Variants in CXCL13 observed in about 807,000 individuals in gnomAD.
The protein encoded by CXCL13 is C-X-C motif chemokine 13.
A neutral mutation model predicts 12.2 loss-of-function variants in CXCL13; 7 were observed. The ratio of observed to expected loss-of-function variants is 0.57; its 90% CI spans 0.33 to 1.07. The LOEUF (loss-of-function observed/expected upper bound fraction) is 1.07. Among genes scored for constraint, CXCL13 ranks in the 50% least tolerant of loss-of-function variants. CXCL13 has a pLI of 0.04. For missense variants in CXCL13, 113 were observed against 127.4 expected (o/e 0.89, Z 0.55); for synonymous variants, 47 against 42.4 (o/e 1.11, Z -0.42).
intron 1 of CXCL13, among the ~76,000 whole-genome samples, chr4:77,519,398 C>T (rs1051603115): frequency 1.3e-5 from 2 of 152,132 alleles, no homozygotes; most frequent in African/African-American, 2.4e-5. Context: ...TGTTCCTATT[C>T]GGCCATCTTG....
chr4:77,550,048 G>T (rs1007394147), intron 1 of CXCL13, among the ~76,000 whole-genome samples: 1 of 152,196 alleles, frequency 6.6e-6, no homozygotes, highest in African/African-American at 2.4e-5. Context: ...CTCAGCAATG[G>T]CGGACACCCC....
intron 1 of CXCL13, among the ~76,000 whole-genome samples, chr4:77,517,260 G>A (rs569191707): frequency 6.6e-6 from 1 of 152,082 alleles, no homozygotes; most frequent in Admixed American, 6.6e-5. Flanking sequence ...GTGTGGTGTG[G>A]TGCTGAAAAA....
At chr4:77,587,645 T>C in intron 1 of CXCL13, among the ~76,000 whole-genome samples, 1 of 152,212 alleles carries the variant, frequency 6.6e-6, no homozygotes, top group East Asian at 1.9e-4. Context: ...TAATTCTCCA[T>C]TGACTACCAT....
chr4:77,599,358 A>G (rs1726841575), intron 1 of CXCL13, among the ~76,000 whole-genome samples: 1 of 152,132 alleles, frequency 6.6e-6, no homozygotes, highest in Non-Finnish European at 1.5e-5. Flanking sequence ...ATTACTTATA[A>G]TACCTAATAC....
chr4:77,565,361 AC>A (rs1004110058), intron 1 of CXCL13, among the ~76,000 whole-genome samples: 5 of 152,170 alleles, frequency 3.3e-5, no homozygotes, highest in Non-Finnish European at 7.3e-5. Context: ...CTCAGATTCA[AC>A]CTGGGTCAGT....
At chr4:77,553,065 G>A (rs1042203952) in intron 1 of CXCL13, among the ~76,000 whole-genome samples, 3 of 152,102 alleles carry the variant, frequency 2.0e-5, no homozygotes, top group African/African-American at 7.2e-5. Context: ...AGTGGAAAGG[G>A]GCCCTACTGC....
At chr4:77,555,161 A>G (rs1725632052) in intron 1 of CXCL13, among the ~76,000 whole-genome samples, 1 of 151,984 alleles carries the variant, frequency 6.6e-6, no homozygotes, top group Non-Finnish European at 1.5e-5. Flanking sequence ...TCTTTGAAAA[A>G]TTGTTGTTTC....
intron 1 of CXCL13, among the ~76,000 whole-genome samples, chr4:77,537,145 G>A (rs1026047680): frequency 6.6e-6 from 1 of 152,194 alleles, no homozygotes; most frequent in Non-Finnish European, 1.5e-5. Context: ...ATAAAAACAT[G>A]AGCAAGGCAT....
intron 2 of CXCL13, among the ~76,000 whole-genome samples, chr4:77,610,336 C>T (rs1336645839): frequency 2.6e-5 from 4 of 152,186 alleles, no homozygotes; most frequent in Non-Finnish European, 5.9e-5. Context: ...TTCTCCAATG[C>T]ACGTAAATGT....
rs201305233 is a variant in CXCL13, at chr4:77,515,046, C to T, written c.-43+3258C>T. 5.9e-5 allele frequency among the ~76,000 whole-genome samples: 9 copies of T among 152,128 alleles called. No individual in the cohort carries two copies. In the East Asian group the frequency reaches 9.6e-4, roughly 16 times the overall value. On this transcript the variant is annotated intron_variant, in intron 1 of 4. Transcript: ENST00000286758. Reference sequence around the variant, plus strand: ...ATATGGCTAGCCAGTTTTCCCAGCACCATTTATTAAATAGGGAATCCTTTC... The same window carrying T: ...ATATGGCTAGCCAGTTTTCCCAGCATCATTTATTAAATAGGGAATCCTTTC...
intron 1 of CXCL13, among the ~76,000 whole-genome samples, chr4:77,534,838 G>T (rs1376269977): frequency 6.6e-6 from 1 of 152,188 alleles, no homozygotes; most frequent in Non-Finnish European, 1.5e-5. Context: ...ACAATTCCAT[G>T]ACCTTACTGA....
chr4:77,530,516 G>T (rs1299661645), intron 1 of CXCL13, among the ~76,000 whole-genome samples: 30 of 152,126 alleles, frequency 2.0e-4, no homozygotes. Flanking sequence ...GGGTGTATGT[G>T]TTCAGGAATT....
At chr4:77,539,210 T>G (rs773737383) in intron 1 of CXCL13, among the ~76,000 whole-genome samples, 2 of 152,200 alleles carry the variant, frequency 1.3e-5, no homozygotes, top group Non-Finnish European at 2.9e-5. Flanking sequence ...ATTACAGGCA[T>G]GCACCCAGAG....
chr4:77,579,683 C>G (rs1013821776), intron 1 of CXCL13, among the ~76,000 whole-genome samples: 15 of 151,926 alleles, frequency 9.9e-5, no homozygotes, highest in Non-Finnish European at 2.2e-4. Flanking sequence ...TGATGAGTGC[C>G]AAGCCCTAGA....
At chr4:77,515,093 G>A (rs1293635167) in intron 1 of CXCL13, among the ~76,000 whole-genome samples, 9 of 152,222 alleles carry the variant, frequency 5.9e-5, no homozygotes, top group Non-Finnish European at 1.2e-4. Context: ...TTTTTGTCAG[G>A]TTTGTCAAAG....
chr4:77,546,709 T>C (rs142669790), intron 1 of CXCL13, among the ~76,000 whole-genome samples: 2,674 of 152,282 alleles, frequency 0.018, 85 homozygotes, highest in African/African-American at 0.061. Context: ...TTCATTGATG[T>C]TTTGGAGAGA....
intron 1 of CXCL13, among the ~76,000 whole-genome samples, chr4:77,559,590 CGTGT>C (rs376338194): frequency 6.7e-6 from 1 of 148,620 alleles, no homozygotes; most frequent in African/African-American, 2.5e-5. Context: ...CTAAATATGC[CGTGT>C]GTGTGTGTGT....
chr4:77,573,303 A>C (rs1260038028), intron 1 of CXCL13, among the ~76,000 whole-genome samples: 4 of 151,666 alleles, frequency 2.6e-5, no homozygotes, highest in African/African-American at 9.7e-5. Context: ...ATATTTTATG[A>C]AATAGTTTGT....
chr4:77,606,377 G>A (rs1180313188), intron 1 of CXCL13, among the ~76,000 whole-genome samples: 1 of 152,202 alleles, frequency 6.6e-6, no homozygotes, highest in Non-Finnish European at 1.5e-5. Context: ...GTACACCACT[G>A]TCAGTACACC....
Sources: allele counts gnomAD v4.1 joint callset (sites outside exome capture counted in the v4.1 genomes callset), GRCh38; gene constraint gnomAD v4.1.1; transcripts MANE v1.5; gene names NCBI Gene and HGNC (gene_info 2026-07-23, HGNC 2026-07-21).